LDB2: variants seen among roughly 807,000 people sequenced by gnomAD.
LDB2 encodes the protein LIM domain-binding protein 2.
In LDB2, 12 loss-of-function variants were observed where a neutral mutation model predicts 44.3. That is an observed-to-expected ratio of 0.27 (90% CI 0.17 to 0.44). LDB2 has a LOEUF of 0.44. LDB2 is among the 20% of genes least tolerant of loss of function. The pLI is 1.00. For synonymous variants in LDB2, 164 were observed against 174.8 expected (o/e 0.94, Z 0.49); for missense variants, 344 against 473.5 (o/e 0.73, Z 2.54).
chr4:16,682,861 G>A (rs1268334859), intron 2 of LDB2, among the ~76,000 whole-genome samples: 1 of 152,216 alleles, frequency 6.6e-6, no homozygotes, highest in East Asian at 1.9e-4. Context: ...GAAACAGCGT[G>A]CTAGCTATTG....
intron 1 of LDB2, among the ~76,000 whole-genome samples, chr4:16,852,695 C>A (rs1365225306): frequency 2.0e-5 from 3 of 152,090 alleles, no homozygotes; most frequent in Admixed American, 6.6e-5. Context: ...ACAAGAGTAA[C>A]ATTTGTTTTA....
intron 1 of LDB2, among the ~76,000 whole-genome samples, chr4:16,829,566 C>T (rs952162320): frequency 6.6e-6 from 1 of 152,038 alleles, no homozygotes; most frequent in African/African-American, 2.4e-5. Context: ...TGGTTAAATC[C>T]TGTGTGTGTT....
At chr4:16,558,911 T>G (rs1740899814) in intron 5 of LDB2, among the ~76,000 whole-genome samples, 1 of 152,204 alleles carries the variant, frequency 6.6e-6, no homozygotes, top group African/African-American at 2.4e-5. Flanking sequence ...ATATTCAACA[T>G]TCTTAAAGAA....
intron 5 of LDB2, among the ~76,000 whole-genome samples, chr4:16,583,895 A>G (rs11726187): frequency 0.11 from 16,810 of 152,166 alleles, 1,026 homozygotes; most frequent in African/African-American, 0.14. Context: ...ACATCCCACC[A>G]GCCTGTGACT....
intron 2 of LDB2, among the ~76,000 whole-genome samples, chr4:16,633,836 G>T (rs1269001137): frequency 6.6e-6 from 1 of 152,178 alleles, no homozygotes; most frequent in African/African-American, 2.4e-5. Context: ...CAAAGCCGGA[G>T]GCATCATGCT....
intron 2 of LDB2, among the ~76,000 whole-genome samples, chr4:16,618,461 G>A (rs1051826500): frequency 6.6e-6 from 1 of 152,124 alleles, no homozygotes; most frequent in African/African-American, 2.4e-5. Flanking sequence ...TTGTATATAT[G>A]TATATATGTA....
At chr4:16,507,780 G>GAGTT (rs1010389901) in intron 7 of LDB2, among the ~76,000 whole-genome samples, 3 of 152,164 alleles carry the variant, frequency 2.0e-5, no homozygotes, top group South Asian at 2.1e-4. Context: ...AGGGGCTGGG[G>GAGTT]AGTTAGGAGA....
At chr4:16,546,654 C>T (rs79090153) in intron 5 of LDB2, among the ~76,000 whole-genome samples, 300 of 152,270 alleles carry the variant, frequency 2.0e-3, no homozygotes, top group Non-Finnish European at 3.7e-3. Flanking sequence ...TCCACACTGC[C>T]AAGGTGAAAA....
chr4:16,845,027 G>C (rs952510951), intron 1 of LDB2, among the ~76,000 whole-genome samples: 1 of 152,182 alleles, frequency 6.6e-6, no homozygotes, highest in African/African-American at 2.4e-5. Context: ...AGTTCACTCT[G>C]GCTCTTTAAG....
chr4:16,787,254 T>C (rs993057669), intron 1 of LDB2, among the ~76,000 whole-genome samples: 1 of 152,154 alleles, frequency 6.6e-6, no homozygotes, highest in African/African-American at 2.4e-5. Context: ...ACCATCAAGA[T>C]GCAATCCTGC....
chr4:16,846,476 T>A (rs1787028357), intron 1 of LDB2, among the ~76,000 whole-genome samples: 1 of 152,192 alleles, frequency 6.6e-6, no homozygotes, highest in African/African-American at 2.4e-5. Flanking sequence ...TGGAAGTGAG[T>A]CTAAAAATTC....
At chr4:16,584,484 C>T (rs562682963) in intron 5 of LDB2, among the ~76,000 whole-genome samples, 1 of 152,248 alleles carries the variant, frequency 6.6e-6, no homozygotes, top group Non-Finnish European at 1.5e-5. Context: ...ACTTACTCCA[C>T]CTACTGAAAC....
intron 2 of LDB2, among the ~76,000 whole-genome samples, chr4:16,635,589 T>C (rs1047517034): frequency 1.3e-5 from 2 of 152,212 alleles, no homozygotes; most frequent in Non-Finnish European, 2.9e-5. Context: ...TTAAGGACTG[T>C]TGAAAGATGT....
intron 1 of LDB2, among the ~76,000 whole-genome samples, chr4:16,884,743 CAAAT>C (rs994960555): frequency 2.0e-5 from 3 of 152,158 alleles, no homozygotes; most frequent in Admixed American, 6.5e-5. Flanking sequence ...ATCCATTAAA[CAAAT>C]AAGCCACAAT....
chr4:16,588,592 C>G, intron 4 of LDB2, 118 bp downstream of exon 4: 1 of 1,042,246 alleles, frequency 9.6e-7, no homozygotes, highest in Non-Finnish European at 1.4e-6. Context: ...GAGTTAATTA[C>G]CTAAAGCGTG....
At chr4:16,679,645 A>T (rs1230384843) in intron 2 of LDB2, among the ~76,000 whole-genome samples, 1 of 152,154 alleles carries the variant, frequency 6.6e-6, no homozygotes, top group Non-Finnish European at 1.5e-5. Context: ...ATTACACTCC[A>T]TAGCTGCTGG....
At chr4:16,744,776 A>G (rs1473824143) in intron 2 of LDB2, among the ~76,000 whole-genome samples, 2 of 152,206 alleles carry the variant, frequency 1.3e-5, no homozygotes, top group East Asian at 3.8e-4. Context: ...GCGCCCAGCC[A>G]AGTCACGTGT....
intron 2 of LDB2, chr4:16,726,400 A>C (rs1759470511): frequency 6.6e-6 from 1 of 151,176 alleles, no homozygotes; most frequent in South Asian, 2.1e-4. Flanking sequence ...AATGGTATTT[A>C]TGCATGCACC....
At chr4:16,728,129 A>G (rs1016194545) in intron 2 of LDB2, among the ~76,000 whole-genome samples, 14 of 152,214 alleles carry the variant, frequency 9.2e-5, no homozygotes, top group African/African-American at 3.4e-4. Context: ...AGAAAAAGTA[A>G]GGAGGTGGCA....
Sources: gnomAD v4.1 joint callset for allele counts (sites outside exome capture counted in the v4.1 genomes callset) on GRCh38, gnomAD v4.1.1 for gene constraint, MANE v1.5 for transcripts, NCBI Gene and HGNC (gene_info 2026-07-23, HGNC 2026-07-21) for gene names.